Variants in RARB observed in about 807,000 individuals in gnomAD.
RARB encodes the protein HBV-activated protein.
In RARB, 17 loss-of-function variants were observed where a neutral mutation model predicts 51.9. That is an observed-to-expected ratio of 0.33 (90% CI 0.22 to 0.49). RARB has a LOEUF of 0.49. RARB is among the 20% of genes least tolerant of loss of function. The pLI, the probability that RARB is intolerant of heterozygous loss-of-function variation, is 0.99. For synonymous variants in RARB, 215 were observed against 195.4 expected (o/e 1.10, Z -0.84); for missense variants, 369 against 550.8 (o/e 0.67, Z 3.30).
At chr3:24,964,106 T>C (rs996581716) in intron 2 of RARB, among the ~76,000 whole-genome samples, 1 of 152,140 alleles carries the variant, frequency 6.6e-6, no homozygotes, top group African/African-American at 2.4e-5. Flanking sequence ...GTTGAGTTTT[T>C]ACTGAACTAC....
chr3:25,130,178 G>A (rs936399781), intron 3 of RARB, among the ~76,000 whole-genome samples: 3 of 151,978 alleles, frequency 2.0e-5, no homozygotes, highest in Non-Finnish European at 2.9e-5. Context: ...TACAGGTAGG[G>A]GAATAAAGCA....
chr3:25,581,835 C>G (rs1026769724), intron 5 of RARB, among the ~76,000 whole-genome samples: 1 of 152,024 alleles, frequency 6.6e-6, no homozygotes, highest in East Asian at 1.9e-4. Context: ...GAGCCCTCAC[C>G]AAGAACCCAG....
At chr3:24,934,915 G>C (rs1015436464) in intron 2 of RARB, among the ~76,000 whole-genome samples, 1 of 152,120 alleles carries the variant, frequency 6.6e-6, no homozygotes, top group Non-Finnish European at 1.5e-5. Context: ...GTATTTTGGA[G>C]TACCAAATTA....
At chr3:25,405,104 G>A (rs867298798) in intron 5 of RARB, among the ~76,000 whole-genome samples, 10 of 152,170 alleles carry the variant, frequency 6.6e-5, no homozygotes, top group Admixed American at 2.0e-4. Context: ...ATCCCTGAGA[G>A]GCCAAAGCTA....
intron 2 of RARB, among the ~76,000 whole-genome samples, chr3:24,871,249 ATTTTT>A (rs1479775255): frequency 6.6e-6 from 1 of 152,124 alleles, no homozygotes; most frequent in African/African-American, 2.4e-5. Context: ...TTTTCAGAGA[ATTTTT>A]ATTTTAGTTG....
At chr3:25,546,996 T>A (rs1335465256) in intron 3 of RARB, among the ~76,000 whole-genome samples, 1 of 152,186 alleles carries the variant, frequency 6.6e-6, no homozygotes, top group African/African-American at 2.4e-5. Context: ...GGATGGGGCT[T>A]ACAGGTGCAG....
intron 5 of RARB, among the ~76,000 whole-genome samples, chr3:25,392,308 G>T (rs892219155): frequency 6.6e-6 from 1 of 152,210 alleles, no homozygotes; most frequent in Middle Eastern, 3.4e-3. Context: ...AGTATTGTTT[G>T]AAATCAGGTA....
At chr3:25,233,947 AT>A (rs1208200817) in intron 5 of RARB, among the ~76,000 whole-genome samples, 4 of 151,910 alleles carry the variant, frequency 2.6e-5, no homozygotes, top group Non-Finnish European at 5.9e-5. Flanking sequence ...CTGATATATT[AT>A]TCTTTTTACA....
rs567261652 is a variant in RARB at position 24,848,808 on chromosome 3, C to T, written c.-458-9866C>T. Among the ~76,000 whole-genome samples the T allele has an allele frequency of 1.1e-4, 16 of 152,308 alleles. No homozygotes were observed. The South Asian group carries it at 3.1e-3, about 30-fold the overall frequency. On this transcript the variant is annotated intron_variant, in intron 1 of 11. Coordinates refer to the RARB transcript ENST00000383772. ...GAGTTACTTAAAGGAAAATTCAGGCCTTAGTGTGACCTTTCAGGCTGCTGT... is the reference window on the plus strand; with the variant it reads ...GAGTTACTTAAAGGAAAATTCAGGCTTTAGTGTGACCTTTCAGGCTGCTGT...
chr3:25,035,318 C>T (rs765343211), intron 2 of RARB, among the ~76,000 whole-genome samples: 2 of 151,712 alleles, frequency 1.3e-5, no homozygotes, highest in South Asian at 2.1e-4. Flanking sequence ...GACAGGGTTT[C>T]GCCATGTTGC....
intron 2 of RARB, among the ~76,000 whole-genome samples, chr3:24,882,759 C>T (rs980833439): frequency 1.3e-5 from 2 of 152,160 alleles, no homozygotes; most frequent in Non-Finnish European, 2.9e-5. Context: ...TCTCTGCTGT[C>T]AGAATGCTGA....
intron 3 of RARB, among the ~76,000 whole-genome samples, chr3:25,114,931 A>G (rs1699661647): frequency 6.6e-6 from 1 of 152,202 alleles, no homozygotes; most frequent in Admixed American, 6.5e-5. Flanking sequence ...GAAGTGTTGG[A>G]CTCTGAGTAT....
chr3:25,130,195 C>T (rs1204853008), intron 3 of RARB, among the ~76,000 whole-genome samples: 1 of 152,032 alleles, frequency 6.6e-6, no homozygotes, highest in African/African-American at 2.4e-5. Flanking sequence ...AGCAACTATT[C>T]CTTCACTAGC....
At chr3:25,305,760 C>T (rs1704139559) in intron 5 of RARB, among the ~76,000 whole-genome samples, 1 of 151,852 alleles carries the variant, frequency 6.6e-6, no homozygotes, top group African/African-American at 2.4e-5. Context: ...AAAATTTCTT[C>T]AAAAAGGGCA....
intron 2 of RARB, among the ~76,000 whole-genome samples, chr3:24,914,014 G>C (rs1274513811): frequency 6.6e-6 from 1 of 152,162 alleles, no homozygotes; most frequent in African/African-American, 2.4e-5. Context: ...GCAAAAGGTA[G>C]CCACAGGGAA....
At chr3:24,931,963 C>T (rs79373159) in intron 2 of RARB, among the ~76,000 whole-genome samples, 489 of 152,182 alleles carry the variant, frequency 3.2e-3, no homozygotes, top group African/African-American at 0.011. Flanking sequence ...TCTAAACTTA[C>T]ATCTCCTTCC....
intron 5 of RARB, among the ~76,000 whole-genome samples, chr3:25,248,599 A>T (rs1335647377): frequency 6.6e-6 from 1 of 151,534 alleles, no homozygotes; most frequent in Non-Finnish European, 1.5e-5. Flanking sequence ...CAGGTGTAGG[A>T]CTCCCTTAAA....
Position 24,958,256 on chromosome 3 carries a change from T to TG in RARB, c.-380+99504_-380+99505insG, listed in dbSNP as rs1696062152. 1.7e-4 allele frequency among the ~76,000 whole-genome samples: 4 copies of TG among 24,058 alleles called. 1 individual carries two copies. Among genetic ancestry groups the TG allele is most frequent in the African/African-American group, 1.5e-3 (4 of 2,752 alleles). 15.8% of individuals were successfully genotyped at this position (24,058 alleles called of 152,430 possible). On this transcript the variant is annotated intron_variant, in intron 2 of 11. Transcript: ENST00000383772. ...CCTGAAGCTTCCTGAGCTGCTCAGG[T>TG]TTTTTTTTTTTTTTTTTTTTTTTTT...
chr3:25,187,179 A>G (rs1700998856), intron 5 of RARB, among the ~76,000 whole-genome samples: 1 of 152,098 alleles, frequency 6.6e-6, no homozygotes, highest in Non-Finnish European at 1.5e-5. Flanking sequence ...GAAGAAGACA[A>G]TGGCCTCTTA....
Sources: allele counts gnomAD v4.1 joint callset (sites outside exome capture counted in the v4.1 genomes callset), GRCh38; gene constraint gnomAD v4.1.1; transcripts MANE v1.5; gene names NCBI Gene and HGNC (gene_info 2026-07-23, HGNC 2026-07-21).